ERCC6L2: variants seen among roughly 807,000 people sequenced by gnomAD.
The protein encoded by ERCC6L2 is DNA excision repair protein ERCC-6-like 2.
A neutral mutation model predicts 132.0 loss-of-function variants in ERCC6L2; 77 were observed. The observed-to-expected ratio is 0.58, with a 90% CI of 0.49 to 0.71. The LOEUF (loss-of-function observed/expected upper bound fraction) is 0.71. Ranked by LOEUF, ERCC6L2 falls within the 30% of genes least tolerant of loss-of-function variation. The probability of loss-of-function intolerance (pLI) is 0.00; values close to 1 mark genes in which losing one functional copy is unlikely to be tolerated. For synonymous variants in ERCC6L2, 583 were observed against 632.4 expected, an observed-to-expected ratio of 0.92 and a Z score of 1.17; for missense variants, 1,542 against 1,837.6, an observed-to-expected ratio of 0.84 and a Z score of 2.94.
chr9:95,978,184 T>A lies in ERCC6L2; in HGVS notation c.3461T>A (p.Leu1154Gln), dbSNP rs372394353. Reference protein sequence around the residue: ...DVFELKQFSQLPANIAVCSSK... With the variant: ...DVFELKQFSQQPANIAVCSSK... ...TTTGAGTTGAAGCAGTTTTCTCAGCTGCCTGCTAACATAGCTGTTTGCAGT... is the reference window on the plus strand; with the variant it reads ...TTTGAGTTGAAGCAGTTTTCTCAGCAGCCTGCTAACATAGCTGTTTGCAGT... Residue 1154 changes from leucine to glutamine, a missense_variant, in exon 17 of 19, where the codon CTG becomes CAG. Leu to Gln is a moderately radical substitution (Grantham distance 113, BLOSUM62 -2). Around this residue, in one of 4 missense-constraint regions of ERCC6L2, gnomAD observed 442 missense variants for 583.4 expected, o/e 0.76. Transcript: ENST00000653738. 3.2e-5 allele frequency: 44 copies of A among 1,366,744 alleles called. No individual in the cohort carries two copies. Among genetic ancestry groups the A allele is most frequent in the Middle Eastern group, 2.1e-4 (1 of 4,764 alleles). The allele number at this position is 1,366,744 out of a possible 1,614,324, so 84.7% of individuals were successfully genotyped here.
At chr9:95,916,849 A>AT (rs894825664) in intron 6 of ERCC6L2, among the ~76,000 whole-genome samples, 2 of 151,668 alleles carry the variant, frequency 1.3e-5, no homozygotes, top group African/African-American at 2.4e-5. Flanking sequence ...CGCCTGGCTA[A>AT]TTTTTTTGTA....
intron 18 of ERCC6L2, among the ~76,000 whole-genome samples, chr9:96,010,414 A>G (rs934348903): frequency 7.2e-5 from 11 of 152,224 alleles, no homozygotes; most frequent in South Asian, 2.1e-4. Flanking sequence ...TCCTACTAAC[A>G]TACATTAAAA....
intron 13 of ERCC6L2, among the ~76,000 whole-genome samples, chr9:95,956,831 G>A (rs79715019): frequency 0.026 from 3,888 of 152,178 alleles, 178 homozygotes; most frequent in African/African-American, 0.09. Context: ...GATAAAATTC[G>A]GGTAGGGACA....
intron 17 of ERCC6L2, among the ~76,000 whole-genome samples, chr9:96,004,009 T>C (rs17396860): frequency 0.088 from 13,359 of 152,242 alleles, 665 homozygotes; most frequent in Admixed American, 0.14. Context: ...GTAGTTAGCA[T>C]CTCAAAATCA....
At position 95,980,664 on chromosome 9, in the gene ERCC6L2, T is replaced by A. The variant is rs186478672; in HGVS notation, c.3492+2449T>A. On this transcript the variant is annotated intron_variant, in intron 17 of 18. Transcript: ENST00000653738. ...ACTCATCATCTTTGGCTAGAGAGAT[T>A]TATGTTACTCAGAGGTTTTGCAGCT... Among the ~76,000 whole-genome samples the A allele has an allele frequency of 3.8e-3, 579 of 152,270 alleles. 4 individuals are homozygous for A. Among genetic ancestry groups the A allele is most frequent in the African/African-American group, 0.012 (506 of 41,546 alleles).
intron 12 of ERCC6L2, among the ~76,000 whole-genome samples, chr9:95,942,262 A>G (rs1288594361): frequency 6.6e-6 from 1 of 152,186 alleles, no homozygotes; most frequent in African/African-American, 2.4e-5. Context: ...GGAAACACAG[A>G]CCGGCTTTCC....
At position 95,875,871 on chromosome 9, in the gene ERCC6L2, T is replaced by C. The variant is rs1397148008; in HGVS notation, c.-168T>C. ...GGGTCCCCTTAGTCGCTACCTTTGC[T>C]GGGATCCCCCTCCTCCATCCTGTGG... On this transcript the variant is annotated 5_prime_UTR_variant, in exon 1 of 19. Transcript: ENST00000653738. 12 of 668,780 alleles carry C rather than the reference T, an allele frequency of 1.8e-5. No homozygotes were observed. In the East Asian group the frequency reaches 3.3e-4, roughly 18 times the overall value. 41.4% of individuals were successfully genotyped at this position (668,780 alleles called of 1,614,324 possible). A position where few individuals can be genotyped will look rare whatever the true frequency, so the allele number is the denominator to read the frequency against.
At chr9:95,948,791 GA>G (rs55712485) in intron 12 of ERCC6L2, among the ~76,000 whole-genome samples, 21,241 of 103,874 alleles carry the variant, frequency 0.2, 1,597 homozygotes, top group South Asian at 0.28. Flanking sequence ...CAAGACATTA[GA>G]AAAAAAAAAA....
intron 18 of ERCC6L2, among the ~76,000 whole-genome samples, chr9:96,008,836 G>A (rs1355603422): frequency 1.3e-5 from 2 of 152,202 alleles, no homozygotes; most frequent in Non-Finnish European, 2.9e-5. Context: ...AGAGGTTGTG[G>A]TGCCTCCTGG....
chr9:96,030,347 G>T (rs1422339604), intron 19 of ERCC6L2, among the ~76,000 whole-genome samples: 1 of 152,090 alleles, frequency 6.6e-6, no homozygotes, highest in Non-Finnish European at 1.5e-5. Flanking sequence ...CCATGCTGTG[G>T]AAGCTTTGTT....
intron 4 of ERCC6L2, among the ~76,000 whole-genome samples, chr9:95,913,871 T>C (rs1000997363): frequency 6.6e-6 from 1 of 152,256 alleles, no homozygotes. Context: ...GGTACTATTA[T>C]ACAGCTATCC....
chr9:95,879,457 G>A (rs1297092736), intron 1 of ERCC6L2, among the ~76,000 whole-genome samples: 1 of 152,210 alleles, frequency 6.6e-6, no homozygotes, highest in Non-Finnish European at 1.5e-5. Flanking sequence ...AATGTGTTAA[G>A]AATTGCTGTA....
At chr9:96,034,093 C>T (rs1432077183) in intron 19 of ERCC6L2, among the ~76,000 whole-genome samples, 1 of 152,208 alleles carries the variant, frequency 6.6e-6, no homozygotes. Flanking sequence ...CGCCATTCTC[C>T]CAGGCTGAAA....
chr9:95,960,369 T>G (rs1440735885), intron 13 of ERCC6L2, among the ~76,000 whole-genome samples: 1 of 152,208 alleles, frequency 6.6e-6, no homozygotes, highest in Non-Finnish European at 1.5e-5. Flanking sequence ...TATCAATTTC[T>G]AATCCCTGGA....
chr9:95,903,325 G>C (rs140700939), intron 3 of ERCC6L2, among the ~76,000 whole-genome samples: 1 of 151,910 alleles, frequency 6.6e-6, no homozygotes, highest in South Asian at 2.1e-4. Context: ...TTCTCTTCCA[G>C]TGCTAAACAG....
rs748180622 is a variant in ERCC6L2, at chr9:96,012,591, AGAG to A, written c.4043_4045del (p.Glu1348del). On this transcript the variant is annotated inframe_deletion, in exon 19 of 19. Transcript: ENST00000653738. ...TTCAGAATCATATTTCCTATAGAGAAGAGGTGTTTTTTAATGATGCAGAAACTA... is the reference window on the plus strand; with the variant it reads ...TTCAGAATCATATTTCCTATAGAGAAGTGTTTTTTAATGATGCAGAAACTA... 7.3e-7 allele frequency: 1 copy of A among 1,367,664 alleles called. No individual in the cohort carries two copies. Among genetic ancestry groups the A allele is most frequent in the Non-Finnish European group, 9.8e-7 (1 of 1,021,816 alleles). 84.7% of individuals were successfully genotyped at this position (1,367,664 alleles called of 1,614,324 possible). A position where few individuals can be genotyped will look rare whatever the true frequency, so the allele number is the denominator to read the frequency against.
chr9:95,961,372 C>G (rs1370776982), intron 13 of ERCC6L2, among the ~76,000 whole-genome samples: 1 of 152,074 alleles, frequency 6.6e-6, no homozygotes, highest in African/African-American at 2.4e-5. Context: ...TACGGATTAC[C>G]AGCAACTACC....
At chr9:95,942,945 A>C (rs1166399845) in intron 12 of ERCC6L2, among the ~76,000 whole-genome samples, 2 of 152,208 alleles carry the variant, frequency 1.3e-5, no homozygotes, top group East Asian at 3.8e-4. Context: ...ATACATTGTT[A>C]ACAAAGAAAT....
At chr9:95,923,505 A>T in intron 9 of ERCC6L2, 126 bp downstream of exon 9, 1 of 1,091,258 alleles carries the variant, frequency 9.2e-7, no homozygotes, top group Non-Finnish European at 1.3e-6. Flanking sequence ...GGCTATGGAC[A>T]AGTGGTGCAA....
Sources: gnomAD v4.1 joint callset for allele counts (sites outside exome capture counted in the v4.1 genomes callset) on GRCh38, gnomAD v4.1.1 for gene constraint, gnomAD v4.1.1 regional missense constraint, MANE v1.5 for transcripts, NCBI Gene and HGNC (gene_info 2026-07-23, HGNC 2026-07-21) for gene names.